The following WDPCP variants were observed in gnomAD, a reference collection of about 807,000 sequenced individuals.
The protein encoded by WDPCP is WD repeat containing planar cell polarity effector.
In WDPCP, 71 loss-of-function variants were observed where a neutral mutation model predicts 93.1. The observed-to-expected ratio is 0.76, with a 90% confidence interval of 0.63 to 0.93. WDPCP has a LOEUF of 0.93. Ranked by LOEUF, WDPCP falls within the 40% of genes least tolerant of loss-of-function variation. The pLI is 0.00. For synonymous variants in WDPCP, 315 were observed against 315.0 expected, an observed-to-expected ratio of 1.00 and a Z score of 0.00; for missense variants, 844 against 887.4, an observed-to-expected ratio of 0.95 and a Z score of 0.62.
intron 1 of WDPCP, among the ~76,000 whole-genome samples, chr2:63,570,121 T>C (rs1707369724): frequency 6.6e-6 from 1 of 152,194 alleles, no homozygotes; most frequent in African/African-American, 2.4e-5. Context: ...TTTTCAAATT[T>C]GGCCTTTTTC....
At chr2:63,322,995 C>A (rs527313606) in intron 12 of WDPCP, among the ~76,000 whole-genome samples, 26 of 152,238 alleles carry the variant, frequency 1.7e-4, no homozygotes, top group Non-Finnish European at 2.9e-4. Context: ...CAATCCCTGA[C>A]TCTTCAGAGT....
At chr2:63,186,011 G>A (rs1362261990) in intron 14 of WDPCP, among the ~76,000 whole-genome samples, 1 of 152,142 alleles carries the variant, frequency 6.6e-6, no homozygotes, top group Non-Finnish European at 1.5e-5. Flanking sequence ...CCAGTAAAGG[G>A]TAGAAACACT....
chr2:63,589,884 C>T (rs373095432), upstream of WDPCP: 1 of 169,952 alleles, frequency 5.9e-6, no homozygotes, highest in Non-Finnish European at 1.3e-5. Context: ...TCGCTTCATA[C>T]TATCAATACA....
At chr2:63,506,450 A>C (rs369403678) in intron 1 of WDPCP, among the ~76,000 whole-genome samples, 3 of 152,038 alleles carry the variant, frequency 2.0e-5, no homozygotes, top group East Asian at 3.9e-4. Context: ...GAAAAAAAAA[A>C]GGCAAAGGAA....
At chr2:63,219,167 A>G (rs138646503) in intron 14 of WDPCP, among the ~76,000 whole-genome samples, 1 of 152,306 alleles carries the variant, frequency 6.6e-6, no homozygotes, top group East Asian at 1.9e-4. Flanking sequence ...ACATAGGAAC[A>G]TTTTCTGAAT....
chr2:63,192,548 G>C (rs1675129134), intron 14 of WDPCP, among the ~76,000 whole-genome samples: 1 of 152,178 alleles, frequency 6.6e-6, no homozygotes, highest in African/African-American at 2.4e-5. Context: ...CCCATTTGCA[G>C]ATACAGAAAC....
chr2:63,527,567 G>A (rs1044684984), intron 1 of WDPCP, among the ~76,000 whole-genome samples: 11 of 151,922 alleles, frequency 7.2e-5, no homozygotes, highest in Non-Finnish European at 1.6e-4. Context: ...TTTTATGGCT[G>A]CATAGTATTC....
intron 6 of WDPCP, among the ~76,000 whole-genome samples, chr2:63,476,825 A>T (rs566607691): frequency 2.0e-5 from 3 of 152,186 alleles, no homozygotes; most frequent in Non-Finnish European, 4.4e-5. Flanking sequence ...TTCTACAATT[A>T]AGGGAGTTGT....
chr2:63,404,754 A>C (rs4671501), intron 9 of WDPCP, 97 bp from the exon 10 acceptor site: 614,997 of 1,469,944 alleles, frequency 0.42, 129,664 homozygotes, highest in Middle Eastern at 0.44. Context: ...TATTAAAGAA[A>C]ATCAATTACT....
At position 63,246,823 on chromosome 2, in the gene WDPCP, G is replaced by C. The variant is rs747431128; in HGVS notation, c.1915+12484C>G. Among the ~76,000 whole-genome samples, 137 of 152,162 alleles carry C rather than the reference G, an allele frequency of 9.0e-4. 2 individuals carry two copies. The highest frequency in any genetic ancestry group is 3.2e-4 in the Non-Finnish European group (22 of 68,020). ...TAAGCTGGAAGAGATGGATATTGAA[G>C]TGGTTTTTAACATCACTAATGAGCA... is the stretch of plus-strand genomic sequence containing the variant. On this transcript the variant is annotated intron_variant, in intron 14 of 17. Coordinates refer to ENST00000272321, the MANE Select transcript of WDPCP (RefSeq NM_015910.7).
intron 12 of WDPCP, among the ~76,000 whole-genome samples, chr2:63,343,496 G>A (rs1688992043): frequency 6.6e-6 from 1 of 152,020 alleles, no homozygotes; most frequent in Non-Finnish European, 1.5e-5. Context: ...TTGTCATTTG[G>A]TTTTGATTAT....
intron 15 of WDPCP, among the ~76,000 whole-genome samples, chr2:63,156,430 T>C (rs1302249065): frequency 6.6e-6 from 1 of 152,184 alleles, no homozygotes; most frequent in African/African-American, 2.4e-5. Flanking sequence ...AATTGTACAT[T>C]ACTAGTATAT....
rs200495888 is a variant in WDPCP at position 63,139,170 on chromosome 2, T to C, written c.2190+13744A>G. On this transcript the variant is annotated intron_variant, in intron 17 of 17. Transcript: ENST00000272321. Reference sequence around the variant, plus strand: ...GTATATGTGTATGTATATATGTGTATACACACACACACACACACACACACA... The same window carrying C: ...GTATATGTGTATGTATATATGTGTACACACACACACACACACACACACACA... 1.1e-4 allele frequency among the ~76,000 whole-genome samples: 17 copies of C among 149,328 alleles called. No individual in the cohort carries two copies. The East Asian group carries it at 3.0e-3, about 26-fold the overall frequency.
At chr2:63,437,637 T>C in intron 7 of WDPCP, 83 bp from the exon 8 acceptor site, 2 of 1,297,150 alleles carry the variant, frequency 1.5e-6, no homozygotes, top group South Asian at 2.9e-5. Flanking sequence ...AAAGCTATTT[T>C]CAAACATACA....
rs77527196 is a variant in WDPCP at position 63,769,468 on chromosome 2, T to G, written n.308+44154A>C. 4.6e-5 allele frequency among the ~76,000 whole-genome samples: 7 copies of G among 152,084 alleles called. No homozygotes were observed. The East Asian group carries it at 1.4e-3, about 29-fold the overall frequency. Reference sequence around the variant, plus strand: ...TGACAGATTTAGAAATATAATTAGTTTTTTCAAGGGCATATGGAACCTTGA... The same window carrying G: ...TGACAGATTTAGAAATATAATTAGTGTTTTCAAGGGCATATGGAACCTTGA... On this transcript the variant is annotated intron_variant and non_coding_transcript_variant, in intron 2 of 4. Coordinates refer to the WDPCP transcript ENST00000467687.
At chr2:63,746,291 T>C (rs931564647) in intron 2 of WDPCP, among the ~76,000 whole-genome samples, 3 of 152,198 alleles carry the variant, frequency 2.0e-5, no homozygotes. Context: ...AATCTCTTAA[T>C]CCTGTCATCT....
At chr2:63,604,599 GCT>G in intron 3 of WDPCP, 1 of 967,424 alleles carries the variant, frequency 1.0e-6, no homozygotes, top group African/African-American at 1.6e-5. Context: ...AATTTCAGAA[GCT>G]TTTTATCTTT....
chr2:63,809,496 G>A (rs1670829237), intron 2 of WDPCP, among the ~76,000 whole-genome samples: 2 of 152,368 alleles, frequency 1.3e-5, no homozygotes, highest in South Asian at 2.1e-4. Flanking sequence ...AAAAGATTGA[G>A]AAATCGGATG....
At chr2:63,467,607 T>G (rs1199185630) in intron 6 of WDPCP, among the ~76,000 whole-genome samples, 6 of 151,844 alleles carry the variant, frequency 4.0e-5, no homozygotes, top group African/African-American at 1.5e-4. Flanking sequence ...TGAAACCCCA[T>G]CTCTACTAAA....
Sources: allele counts gnomAD v4.1 joint callset (sites outside exome capture counted in the v4.1 genomes callset), GRCh38; gene constraint gnomAD v4.1.1; transcripts MANE v1.5; gene names NCBI Gene and HGNC (gene_info 2026-07-23, HGNC 2026-07-21).